ELOVL7: variants seen among roughly 807,000 people sequenced by gnomAD.
The protein encoded by ELOVL7 is very long chain fatty acid elongase 7.
ELOVL7 carries 27 observed loss-of-function variants against 35.7 expected under a neutral mutation model. The observed-to-expected ratio is 0.76, with a 90% CI of 0.56 to 1.04. ELOVL7 has a LOEUF of 1.04. ELOVL7 is among the 50% of genes least tolerant of loss of function. The probability of loss-of-function intolerance (pLI) is 0.00; values close to 1 mark genes in which losing one functional copy is unlikely to be tolerated. For missense variants in ELOVL7, 327 were observed against 340.8 expected (o/e 0.96, Z 0.32); for synonymous variants, 113 against 114.6 (o/e 0.99, Z 0.09).
chr5:60,784,596 C>T (rs13155641), intron 3 of ELOVL7, among the ~76,000 whole-genome samples: 31,732 of 152,112 alleles, frequency 0.21, 3,907 homozygotes, highest in Non-Finnish European at 0.28. Context: ...AGTAAGTTTC[C>T]TTACGCTACT....
In ELOVL7 at chr5:60,784,055, C is replaced by T. The variant is rs192854234; in HGVS notation, c.64+3279G>A. 9.2e-5 allele frequency: 85 copies of T among 925,614 alleles called. No homozygotes were observed. In the Admixed American group the frequency reaches 1.7e-3, roughly 18 times the overall value. The allele number at this position is 925,614 out of a possible 1,614,324, so 57.3% of individuals were successfully genotyped here. On this transcript the variant is annotated intron_variant, in intron 3 of 8. Coordinates refer to ENST00000508821, the MANE Select transcript of ELOVL7 (RefSeq NM_024930.3). ...CTTAATAATTCGTTTCTAAGAGTGT[C>T]CCAGGGAGAGAGCATAGGGAAAGTA...
intron 4 of ELOVL7, chr5:60,768,573 C>T (rs1447140410): frequency 4.9e-6 from 2 of 405,598 alleles, no homozygotes; most frequent in Non-Finnish European, 1.0e-5. Flanking sequence ...TGATCCAAGG[C>T]TGATGTGACA....
intron 1 of ELOVL7, among the ~76,000 whole-genome samples, chr5:60,799,722 T>C (rs1335351046): frequency 1.3e-5 from 2 of 152,190 alleles, no homozygotes; most frequent in East Asian, 1.9e-4. Context: ...ACTTCACTGT[T>C]AAATTCTACC....
intron 1 of ELOVL7, among the ~76,000 whole-genome samples, chr5:60,835,467 A>G (rs79872456): frequency 0.02 from 3,071 of 151,916 alleles, 173 homozygotes; most frequent in African/African-American, 0.071. Context: ...GCTGAAGTAC[A>G]GTGGTGCAAT....
chr5:60,767,711 A>C, intron 5 of ELOVL7, 112 bp downstream of exon 5: 1 of 670,620 alleles, frequency 1.5e-6, no homozygotes, highest in Non-Finnish European at 2.7e-6. Context: ...CAACACACAC[A>C]ATCTGATAAC....
chr5:60,766,073 G>A (rs1742217030), intron 6 of ELOVL7, among the ~76,000 whole-genome samples: 1 of 152,170 alleles, frequency 6.6e-6, no homozygotes, highest in South Asian at 2.1e-4. Context: ...GGCCCAGTAA[G>A]CACAGACTTC....
intron 1 of ELOVL7, among the ~76,000 whole-genome samples, chr5:60,801,733 G>A (rs1184720872): frequency 6.6e-6 from 1 of 151,738 alleles, no homozygotes; most frequent in African/African-American, 2.4e-5. Flanking sequence ...GAAGAAACTA[G>A]AACAAAGCGA....
chr5:60,777,154 G>T (rs765041975), intron 3 of ELOVL7, among the ~76,000 whole-genome samples: 2 of 152,020 alleles, frequency 1.3e-5, no homozygotes, highest in Non-Finnish European at 2.9e-5. Context: ...AAAGAAAATA[G>T]AATGAATAAG....
intron 1 of ELOVL7, among the ~76,000 whole-genome samples, chr5:60,833,756 A>C (rs1350295249): frequency 6.6e-6 from 1 of 152,202 alleles, no homozygotes; most frequent in Non-Finnish European, 1.5e-5. Context: ...TTCCTTGCTT[A>C]TAACATGGGA....
chr5:60,755,431 G>C (rs569172005), intron 8 of ELOVL7, among the ~76,000 whole-genome samples: 1 of 152,114 alleles, frequency 6.6e-6, no homozygotes, highest in Non-Finnish European at 1.5e-5. Flanking sequence ...GGCTGAGGCG[G>C]GTGGATCACG....
chr5:60,824,455 A>C (rs1245955564), intron 1 of ELOVL7, among the ~76,000 whole-genome samples: 1 of 152,250 alleles, frequency 6.6e-6, no homozygotes, highest in African/African-American at 2.4e-5. Context: ...AGGCAGAGGC[A>C]ACAAAGCCCA....
At chr5:60,765,887 A>G (rs1373216166) in intron 6 of ELOVL7, among the ~76,000 whole-genome samples, 1 of 152,254 alleles carries the variant, frequency 6.6e-6, no homozygotes, top group South Asian at 2.1e-4. Context: ...TAACTAAGAT[A>G]CACTTGCTGC....
At chr5:60,842,014 A>T (rs1164038857) in intron 1 of ELOVL7, among the ~76,000 whole-genome samples, 1 of 152,224 alleles carries the variant, frequency 6.6e-6, no homozygotes, top group African/African-American at 2.4e-5. Context: ...TGTGCTACCA[A>T]AATTTATACT....
chr5:60,770,767 G>A (rs919251716), intron 4 of ELOVL7, among the ~76,000 whole-genome samples: 5 of 151,948 alleles, frequency 3.3e-5, no homozygotes, highest in Admixed American at 3.3e-4. Flanking sequence ...ACATGATCAC[G>A]GCTCATTGCA....
intron 1 of ELOVL7, among the ~76,000 whole-genome samples, chr5:60,842,355 G>C (rs77039335): frequency 5.9e-5 from 9 of 152,020 alleles, no homozygotes; most frequent in African/African-American, 2.2e-4. Flanking sequence ...GGGAAAAGCC[G>C]GGCAAGTCCA....
At chr5:60,789,530 A>G (rs1743799216) in intron 2 of ELOVL7, among the ~76,000 whole-genome samples, 1 of 152,232 alleles carries the variant, frequency 6.6e-6, no homozygotes, top group South Asian at 2.1e-4. Context: ...AGTACAAATT[A>G]GTGTAACTCT....
intron 4 of ELOVL7, among the ~76,000 whole-genome samples, chr5:60,769,211 G>A (rs1456744): frequency 0.27 from 41,783 of 152,112 alleles, 9,549 homozygotes; most frequent in African/African-American, 0.63. Context: ...ATAAGGGCAC[G>A]TGACATAGAA....
intron 3 of ELOVL7, 64 bp downstream of exon 3, chr5:60,787,270 T>C: frequency 7.4e-7 from 1 of 1,358,398 alleles, no homozygotes; most frequent in Non-Finnish European, 1.0e-6. Flanking sequence ...TGAAATCCTA[T>C]TAAATATGAG....
chr5:60,790,072 G>A (rs931209889), intron 2 of ELOVL7, among the ~76,000 whole-genome samples: 3 of 152,118 alleles, frequency 2.0e-5, no homozygotes, highest in Non-Finnish European at 2.9e-5. Context: ...GGGAGGCAGA[G>A]GTTGCAGTGA....
Sources: allele counts gnomAD v4.1 joint callset (sites outside exome capture counted in the v4.1 genomes callset), GRCh38; gene constraint gnomAD v4.1.1; transcripts MANE v1.5; gene names NCBI Gene and HGNC (gene_info 2026-07-23, HGNC 2026-07-21).